The following CNTNAP4 variants were observed in gnomAD, a reference collection of about 807,000 sequenced individuals.
CNTNAP4 encodes contactin associated protein family member 4.
In CNTNAP4, 98 loss-of-function variants were observed where a neutral mutation model predicts 148.4. The ratio of observed to expected loss-of-function variants is 0.66; its 90% CI spans 0.56 to 0.78. CNTNAP4 has a LOEUF of 0.78. CNTNAP4 is among the 30% of genes least tolerant of loss of function. CNTNAP4 has a pLI of 0.00. For synonymous variants in CNTNAP4, 730 were observed against 565.1 expected, an observed-to-expected ratio of 1.29 and a Z score of -4.14; for missense variants, 1,935 against 1,565.6, an observed-to-expected ratio of 1.24 and a Z score of -3.98.
chr16:76,490,408 T>G (rs72799032), intron 13 of CNTNAP4, among the ~76,000 whole-genome samples: 3 of 152,170 alleles, frequency 2.0e-5, no homozygotes, highest in African/African-American at 7.2e-5. Flanking sequence ...GACTCTTTAT[T>G]TGATTCTGCT....
chr16:76,382,869 T>C (rs2016126696), intron 3 of CNTNAP4, among the ~76,000 whole-genome samples: 1 of 152,174 alleles, frequency 6.6e-6, no homozygotes, highest in Admixed American at 6.5e-5. Context: ...ACAAGTATGT[T>C]GTCAAAGACT....
At chr16:76,279,197 G>A (rs1958593666) in intron 1 of CNTNAP4, among the ~76,000 whole-genome samples, 1 of 152,098 alleles carries the variant, frequency 6.6e-6, no homozygotes, top group Non-Finnish European at 1.5e-5. Flanking sequence ...CAACCAAAAA[G>A]AAAAGCACTA....
intron 12 of CNTNAP4, among the ~76,000 whole-genome samples, chr16:76,484,755 T>A (rs1350415033): frequency 6.6e-6 from 1 of 152,140 alleles, no homozygotes; most frequent in Non-Finnish European, 1.5e-5. Flanking sequence ...CTAGGAAGAG[T>A]TACCTTCTAT....
chr16:76,417,821 A>G (rs2079042471), intron 3 of CNTNAP4, among the ~76,000 whole-genome samples: 1 of 151,656 alleles, frequency 6.6e-6, no homozygotes, highest in South Asian at 2.1e-4. Context: ...TGTTTGCCTG[A>G]GAGTCTTTAT....
chr16:76,511,719 C>T (rs138106857), intron 15 of CNTNAP4, among the ~76,000 whole-genome samples: 32 of 152,070 alleles, frequency 2.1e-4, no homozygotes, highest in African/African-American at 7.2e-4. Context: ...TCTTCTTCCT[C>T]CTCTTCTCTT....
At chr16:76,298,162 G>T (rs1016133144) in intron 1 of CNTNAP4, among the ~76,000 whole-genome samples, 9 of 152,170 alleles carry the variant, frequency 5.9e-5, no homozygotes, top group Admixed American at 1.3e-4. Flanking sequence ...CTGTGCTAGG[G>T]TCTTATACAG....
chr16:76,525,370 A>G (rs1402837503), intron 17 of CNTNAP4, among the ~76,000 whole-genome samples: 1 of 151,416 alleles, frequency 6.6e-6, no homozygotes, highest in Admixed American at 6.6e-5. Context: ...CTGAGAGTAT[A>G]TTTCAGTGGA....
At chr16:76,345,601 C>T (rs953609208) in intron 2 of CNTNAP4, among the ~76,000 whole-genome samples, 8 of 152,112 alleles carry the variant, frequency 5.3e-5, no homozygotes, top group African/African-American at 1.9e-4. Flanking sequence ...ATAAGGCCAT[C>T]TGTGTTTGCT....
chr16:76,453,391 G>A (rs1421639423), intron 8 of CNTNAP4, among the ~76,000 whole-genome samples: 3 of 152,270 alleles, frequency 2.0e-5, no homozygotes, highest in East Asian at 3.9e-4. Context: ...TACTTGAGGT[G>A]ACTATATGAG....
intron 17 of CNTNAP4, among the ~76,000 whole-genome samples, chr16:76,531,868 T>C (rs1351209653): frequency 6.6e-6 from 1 of 152,172 alleles, no homozygotes; most frequent in African/African-American, 2.4e-5. Flanking sequence ...TTAAAACTAT[T>C]TGGTTAGGTA....
intron 2 of CNTNAP4, among the ~76,000 whole-genome samples, chr16:76,318,899 AC>A (rs1390901628): frequency 6.6e-6 from 1 of 151,982 alleles, no homozygotes; most frequent in Non-Finnish European, 1.5e-5. Flanking sequence ...AATAAATTAA[AC>A]CAGCAAATAA....
At chr16:76,473,188 T>C (rs1378418201) in intron 10 of CNTNAP4, among the ~76,000 whole-genome samples, 1 of 152,176 alleles carries the variant, frequency 6.6e-6, no homozygotes, top group African/African-American at 2.4e-5. Flanking sequence ...AAGCTAAATA[T>C]GTATAAACTT....
Position 76,416,564 on chromosome 16 carries a change from TATTA to T in CNTNAP4, c.391-10884_391-10881del, listed in dbSNP as rs2078990676. 2.6e-5 allele frequency among the ~76,000 whole-genome samples: 4 copies of T among 151,550 alleles called. No homozygotes were observed. The South Asian group carries it at 8.3e-4, about 31-fold the overall frequency. On this transcript the variant is annotated intron_variant, in intron 3 of 23. Coordinates refer to ENST00000611870, the MANE Select transcript of CNTNAP4 (RefSeq NM_033401.5). ...AGGAACTTTCTAGTTATTTTTCTGT[TATTA>T]ATTTATAGTTTAATTCCTTTATGAC...
intron 9 of CNTNAP4, among the ~76,000 whole-genome samples, chr16:76,462,475 G>A (rs1227863215): frequency 2.0e-5 from 3 of 152,138 alleles, no homozygotes; most frequent in Non-Finnish European, 4.4e-5. Flanking sequence ...CTCCTTCAGA[G>A]CATCCTTATT....
At chr16:76,547,748 A>AGTCC (rs1418507701) in intron 21 of CNTNAP4, among the ~76,000 whole-genome samples, 3 of 152,190 alleles carry the variant, frequency 2.0e-5, no homozygotes, top group African/African-American at 7.2e-5. Flanking sequence ...ATCTCTTTGG[A>AGTCC]GTCCGCAGAG....
chr16:76,533,702 G>A (rs560436423), intron 17 of CNTNAP4, among the ~76,000 whole-genome samples: 32 of 152,070 alleles, frequency 2.1e-4, no homozygotes, highest in African/African-American at 7.0e-4. Flanking sequence ...AGAAGTAAAT[G>A]TAAATGTAGG....
intron 4 of CNTNAP4, among the ~76,000 whole-genome samples, chr16:76,437,991 A>G (rs1239237723): frequency 6.6e-6 from 1 of 152,134 alleles, no homozygotes. Flanking sequence ...CTGAAGTTTA[A>G]GGTATTAATA....
In CNTNAP4 at chr16:76,362,238, T is replaced by G. The variant is rs2013526434; in HGVS notation, c.390+6727T>G. Among the ~76,000 whole-genome samples, 3 of 152,184 alleles carry G rather than the reference T, an allele frequency of 2.0e-5. No individual in the cohort carries two copies. The South Asian group carries it at 6.2e-4, about 32-fold the overall frequency. On this transcript the variant is annotated intron_variant, in intron 3 of 23. Coordinates refer to ENST00000611870, the MANE Select transcript of CNTNAP4 (RefSeq NM_033401.5). ...TACACTGAAAACTACAAAACATTGC[T>G]GAAAGAAGTGAAAGAAGAACCAAAT...
intron 1 of CNTNAP4, among the ~76,000 whole-genome samples, chr16:76,279,434 T>C (rs1958603362): frequency 6.6e-6 from 1 of 152,206 alleles, no homozygotes; most frequent in African/African-American, 2.4e-5. Context: ...ATAGCTTTCT[T>C]TTGCCATATA....
Sources: allele counts gnomAD v4.1 joint callset (sites outside exome capture counted in the v4.1 genomes callset), GRCh38; gene constraint gnomAD v4.1.1; transcripts MANE v1.5; gene names NCBI Gene and HGNC (gene_info 2026-07-23, HGNC 2026-07-21).